DOCK3: variants seen among roughly 807,000 people sequenced by gnomAD.
DOCK3 encodes the protein dedicator of cytokinesis 3, also known as dedicator of cytokinesis protein 3.
DOCK3 carries 60 observed loss-of-function variants against 265.6 expected under a neutral mutation model. The ratio of observed to expected loss-of-function variants is 0.23; its 90% CI spans 0.18 to 0.28. DOCK3 has a LOEUF of 0.28. Ranked by LOEUF, DOCK3 falls within the 10% of genes least tolerant of loss-of-function variation. The pLI is 1.00. For missense variants in DOCK3, 1,981 were observed against 2,594.3 expected (o/e 0.76, Z 5.14); for synonymous variants, 881 against 938.0 (o/e 0.94, Z 1.11).
chr3:50,889,315 C>G (rs563681803), intron 3 of DOCK3, among the ~76,000 whole-genome samples: 10 of 152,000 alleles, frequency 6.6e-5, no homozygotes, highest in African/African-American at 2.4e-4. Context: ...GAGTCCTGGC[C>G]TCTAACAGTT....
chr3:51,237,633 A>G, intron 21 of DOCK3, 43 bp downstream of exon 21: 1 of 1,546,410 alleles, frequency 6.5e-7, no homozygotes, highest in Non-Finnish European at 8.9e-7. Context: ...GTGTTTGAGT[A>G]GAAATATAGG....
At chr3:51,270,704 A>C in intron 23 of DOCK3, 111 bp from the exon 24 acceptor site, 1 of 1,141,672 alleles carries the variant, frequency 8.8e-7, no homozygotes, top group Non-Finnish European at 1.2e-6. Flanking sequence ...CCGAAGGCAG[A>C]GATGCTACAG....
intron 1 of DOCK3, among the ~76,000 whole-genome samples, chr3:50,720,187 AT>A (rs1438428158): frequency 6.6e-6 from 1 of 152,036 alleles, no homozygotes; most frequent in East Asian, 1.9e-4. Flanking sequence ...CATTTTTTAT[AT>A]AGGTAAATTG....
intron 23 of DOCK3, among the ~76,000 whole-genome samples, chr3:51,263,417 G>A (rs2079971167): frequency 6.6e-6 from 1 of 152,184 alleles, no homozygotes; most frequent in Non-Finnish European, 1.5e-5. Context: ...GCTCCTGAAG[G>A]AAGCACTAAA....
intron 41 of DOCK3, 43 bp downstream of exon 41, chr3:51,355,066 G>A (rs2086271458): frequency 6.3e-7 from 1 of 1,594,850 alleles, no homozygotes; most frequent in Non-Finnish European, 8.6e-7. Flanking sequence ...CAGGGGCCCT[G>A]GGAGGTGAGA....
intron 2 of DOCK3, among the ~76,000 whole-genome samples, chr3:50,840,809 C>T (rs1165687327): frequency 6.6e-6 from 1 of 152,092 alleles, no homozygotes; most frequent in Non-Finnish European, 1.5e-5. Context: ...ATTTTTTCAG[C>T]TATTGTTCTA....
intron 4 of DOCK3, among the ~76,000 whole-genome samples, chr3:50,902,359 A>G (rs904482668): frequency 1.3e-5 from 2 of 151,972 alleles, no homozygotes; most frequent in African/African-American, 4.8e-5. Flanking sequence ...GTTAATTTTT[A>G]TGTAAGATGT....
intron 5 of DOCK3, among the ~76,000 whole-genome samples, chr3:51,027,943 T>G (rs1049443134): frequency 6.6e-6 from 1 of 152,246 alleles, no homozygotes; most frequent in South Asian, 2.1e-4. Context: ...GGTTCAACTT[T>G]GATATTGATA....
At chr3:51,275,029 T>G (rs778485226) in intron 24 of DOCK3, 50 bp from the exon 25 acceptor site, 1 of 1,611,070 alleles carries the variant, frequency 6.2e-7, no homozygotes, top group Non-Finnish European at 8.5e-7. Context: ...CTTCCTGCAG[T>G]AGCTAGTTCT....
chr3:51,064,699 C>T (rs1030858950), intron 6 of DOCK3, 103 bp downstream of exon 6: 1 of 1,401,000 alleles, frequency 7.1e-7, no homozygotes, highest in East Asian at 2.3e-5. Context: ...GATTCAAAGG[C>T]AATGTTATAT....
intron 6 of DOCK3, among the ~76,000 whole-genome samples, chr3:51,066,971 A>T (rs1170788351): frequency 2.0e-5 from 3 of 152,200 alleles, no homozygotes; most frequent in Non-Finnish European, 4.4e-5. Context: ...GGGGAATAAC[A>T]ATTTAGTAAA....
At chr3:51,379,654 A>C (rs2088455785) in intron 51 of DOCK3, 3 of 982,672 alleles carry the variant, frequency 3.1e-6, no homozygotes, top group African/African-American at 1.7e-5. Context: ...ATCTAAGCTG[A>C]GAAGATGGGC....
chr3:51,230,938 ATT>A (rs34389350), intron 19 of DOCK3, among the ~76,000 whole-genome samples: 5 of 150,082 alleles, frequency 3.3e-5, no homozygotes, highest in East Asian at 2.0e-4. Flanking sequence ...TGGTAGAATG[ATT>A]TTTTTTTTTC....
chr3:51,233,258 C>T (rs572566113), intron 19 of DOCK3, among the ~76,000 whole-genome samples: 71 of 152,204 alleles, frequency 4.7e-4, no homozygotes, highest in African/African-American at 1.6e-3. Context: ...CCCATGAGCA[C>T]GGAAGGTTTT....
intron 5 of DOCK3, among the ~76,000 whole-genome samples, chr3:51,053,328 C>T (rs2081076679): frequency 6.6e-6 from 1 of 150,920 alleles, no homozygotes; most frequent in Non-Finnish European, 1.5e-5. Flanking sequence ...CAGTGATCTT[C>T]TTATTATAGA....
chr3:50,848,890 G>T (rs1172441631), intron 3 of DOCK3, among the ~76,000 whole-genome samples: 1 of 152,092 alleles, frequency 6.6e-6, no homozygotes, highest in Non-Finnish European at 1.5e-5. Context: ...GTGTTTTCCA[G>T]ATTGTTTACC....
In DOCK3 at chr3:51,277,672, C is replaced by T. The variant is rs1261431433; in HGVS notation, c.2741C>T (p.Thr914Ile). 1 of 1,606,196 alleles carries T rather than the reference C, an allele frequency of 6.2e-7. No homozygotes were observed. Among genetic ancestry groups the T allele is most frequent in the Non-Finnish European group, 8.5e-7 (1 of 1,176,688 alleles). The change falls in exon 26 of 53, where the codon ACT (threonine) becomes ATT (isoleucine). Residue 914 changes from threonine (T) to isoleucine (I), a missense_variant. Physicochemically the swap from Thr to Ile is moderately conservative, Grantham distance 89. Transcript: ENST00000266037. ...VESLLDVLLQ[T>I]LLTIMSKSHA... ...AGCCTCCTGGACGTGCTCTTGCAGA[C>T]TCTGCTCACCATCATGAGCAAATCG...
intron 12 of DOCK3, among the ~76,000 whole-genome samples, chr3:51,167,244 T>C (rs2086452932): frequency 6.6e-6 from 1 of 152,212 alleles, no homozygotes; most frequent in African/African-American, 2.4e-5. Flanking sequence ...TTGGTACCCT[T>C]GTCAAAGACT....
intron 3 of DOCK3, among the ~76,000 whole-genome samples, chr3:50,843,401 G>A (rs2045933634): frequency 6.6e-6 from 1 of 152,130 alleles, no homozygotes; most frequent in African/African-American, 2.4e-5. Flanking sequence ...TCTCTATGTA[G>A]TCTCGGGGTT....
Sources: gnomAD v4.1 joint callset for allele counts (sites outside exome capture counted in the v4.1 genomes callset) on GRCh38, gnomAD v4.1.1 for gene constraint, MANE v1.5 for transcripts, NCBI Gene and HGNC (gene_info 2026-07-23, HGNC 2026-07-21) for gene names.